Variants in ENO2 observed in about 807,000 individuals in gnomAD.
ENO2 encodes enolase 2.
In ENO2, 19 loss-of-function variants were observed where a neutral mutation model predicts 48.7. The observed-to-expected ratio is 0.39, with a 90% CI of 0.27 to 0.57. ENO2 has a LOEUF of 0.57. ENO2 is among the 20% of genes least tolerant of loss of function. The pLI is 0.58. For missense variants in ENO2, 416 were observed against 555.0 expected (o/e 0.75, Z 2.52); for synonymous variants, 198 against 213.4 (o/e 0.93, Z 0.63).
rs1174015832 is a variant in ENO2, at chr12:6,922,315, T to G, written c.1177-29T>G. Reference sequence around the variant, plus strand: ...CTTTCAGGGGTGAGAGGGCAGTCACTGAGCTGCAAATCCTTTGAAATGTTT... The same window carrying G: ...CTTTCAGGGGTGAGAGGGCAGTCACGGAGCTGCAAATCCTTTGAAATGTTT... On this transcript the variant is annotated intron_variant, in intron 10 of 11. Coordinates refer to ENST00000229277, the MANE Select transcript of ENO2 (RefSeq NM_001975.3). This position sits in a 1 kb window ranked among gnomAD's most constrained non-coding sequence, Gnocchi z 5.3. 5 of 1,614,014 alleles carry G rather than the reference T, an allele frequency of 3.1e-6. No homozygotes were observed. The highest frequency in any genetic ancestry group is 4.2e-6 in the Non-Finnish European group (5 of 1,179,980).
At chr12:6,915,784 T>G (rs782440516) in intron 1 of ENO2, 37 bp from the exon 2 acceptor site, 15 of 1,403,014 alleles carry the variant, frequency 1.1e-5, no homozygotes, top group Non-Finnish European at 1.4e-5. Flanking sequence ...CCTCTAAGCC[T>G]CTTATCTTTC....
chr12:6,916,355 C>G lies in ENO2; in HGVS notation c.86-62C>G. On this transcript the variant is annotated intron_variant, in intron 2 of 11. Transcript: ENST00000229277. The surrounding 1 kb of genome is among the most constrained non-coding windows in gnomAD (Gnocchi z 4.5). ...AGGCAGGCAGTTTAGAGCCAGAAGG[C>G]TGAAGGACTCCCTGGCCCCTGTGTC... The G allele has an allele frequency of 6.6e-7, 1 of 1,512,418 alleles. No homozygotes were observed. Among genetic ancestry groups the G allele is most frequent in the South Asian group, 1.2e-5 (1 of 83,140 alleles). The allele number at this position is 1,512,418 out of a possible 1,614,324, so 93.7% of individuals were successfully genotyped here. A position where few individuals can be genotyped will look rare whatever the true frequency, so the allele number is the denominator to read the frequency against.
chr12:6,922,623 C>A lies in ENO2; in HGVS notation c.1236-108C>A. ...GGGAATGCTAAGCCTTGGGGCAGGACACAAAAGCAGGTGGTGTGGGGGTGG... is the reference window on the plus strand; with the variant it reads ...GGGAATGCTAAGCCTTGGGGCAGGAAACAAAAGCAGGTGGTGTGGGGGTGG... On this transcript the variant is annotated intron_variant, in intron 11 of 11. Coordinates refer to ENST00000229277, the MANE Select transcript of ENO2 (RefSeq NM_001975.3). This position sits in a 1 kb window ranked among gnomAD's most constrained non-coding sequence, Gnocchi z 5.3. 1 of 1,398,380 alleles carries A rather than the reference C, an allele frequency of 7.2e-7. No individual in the cohort carries two copies. The highest frequency in any genetic ancestry group is 1.2e-5 in the South Asian group (1 of 84,850). 86.6% of individuals were successfully genotyped at this position (1,398,380 alleles called of 1,614,324 possible). A position where few individuals can be genotyped will look rare whatever the true frequency, so the allele number is the denominator to read the frequency against.
At position 6,916,796 on chromosome 12, in the gene ENO2, G is replaced by C. The variant is rs1421728255; in HGVS notation, c.240+67G>C. The stretch of plus-strand genomic sequence containing the variant: ...TGGAAGGAATCCCGGAGCAGGGCAG[G>C]AGGAAGGGAAGAAAGAAGGCCCACT... On this transcript the variant is annotated intron_variant, in intron 4 of 11. Coordinates refer to ENST00000229277, the MANE Select transcript of ENO2 (RefSeq NM_001975.3). This position sits in a 1 kb window ranked among gnomAD's most constrained non-coding sequence, Gnocchi z 4.5. 1.3e-6 allele frequency: 2 copies of C among 1,596,108 alleles called. No homozygotes were observed. The highest frequency in any genetic ancestry group is 1.7e-6 in the Non-Finnish European group (2 of 1,167,354).
intron 8 of ENO2, among the ~76,000 whole-genome samples, chr12:6,920,150 A>G (rs1211925004): frequency 1.3e-5 from 2 of 152,052 alleles, no homozygotes; most frequent in African/African-American, 4.8e-5. Context: ...GTGTGAGTAG[A>G]AAGAAGGCTG....
chr12:6,920,691 C>T (rs753683269), intron 8 of ENO2, among the ~76,000 whole-genome samples: 103 of 145,600 alleles, frequency 7.1e-4, no homozygotes, highest in Admixed American at 1.4e-3. Flanking sequence ...TGAGCCACCA[C>T]GCCTGGCTGG....
Position 6,923,030 on chromosome 12 carries a change from C to T in ENO2, c.*230C>T, listed in dbSNP as rs782675645. 1 of 518,522 alleles carries T rather than the reference C, an allele frequency of 1.9e-6. No individual in the cohort carries two copies. Among genetic ancestry groups the T allele is most frequent in the South Asian group, 2.4e-5 (1 of 40,890 alleles). 32.1% of individuals were successfully genotyped at this position (518,522 alleles called of 1,614,324 possible). A position where few individuals can be genotyped will look rare whatever the true frequency, so the allele number is the denominator to read the frequency against. ...TTCCGCACTTTCCACTTCTTCCTTT[C>T]TCTTTCTCTCTTCCCTCAGAAACTA... is the stretch of plus-strand genomic sequence containing the variant. On this transcript the variant is annotated 3_prime_UTR_variant, in exon 12 of 12. Coordinates refer to ENST00000229277, the MANE Select transcript of ENO2 (RefSeq NM_001975.3).
chr12:6,917,311 A>G (rs1358445178), intron 5 of ENO2: 1 of 719,752 alleles, frequency 1.4e-6, no homozygotes, highest in East Asian at 2.7e-5. Flanking sequence ...TCTTTGCAGC[A>G]TACAGAGGAG....
In ENO2 at chr12:6,916,059, G is replaced by T. The variant is rs1945288398; in HGVS notation, c.85+142G>T. The T allele has an allele frequency of 3.6e-6, 3 of 841,360 alleles. No homozygotes were observed. In the South Asian group the frequency reaches 4.6e-5, roughly 13 times the overall value. The allele number at this position is 841,360 out of a possible 1,614,324, so 52.1% of individuals were successfully genotyped here. A position where few individuals can be genotyped will look rare whatever the true frequency, so the allele number is the denominator to read the frequency against. On this transcript the variant is annotated intron_variant, in intron 2 of 11. Coordinates refer to ENST00000229277, the MANE Select transcript of ENO2 (RefSeq NM_001975.3). This position sits in a 1 kb window ranked among gnomAD's most constrained non-coding sequence, Gnocchi z 4.5. ...CTCACAAGCCTGGGTTGTGGCGGTT[G>T]GATCCTCCTTGTCCGGGGAGCCAGG...
rs1555142111 is a variant in ENO2 at position 6,921,645 on chromosome 12, T to G, written c.930T>G (p.Asn310Lys). Residue 310 changes from asparagine (N) to lysine (K), a missense_variant, in exon 9 of 12, where the codon AAT (asparagine) becomes AAG (lysine). By Grantham distance (94) the Asn-to-Lys change is moderately conservative (BLOSUM62 0). Coordinates refer to ENST00000229277, the MANE Select transcript of ENO2 (RefSeq NM_001975.3). The part of the protein sequence containing the change: ...DWAAWSKFTA[N>K]VGIQIVGDDL... ...CTGCCTGGTCCAAGTTCACAGCCAATGTAGGGATCCAGATTGTGGGTGATG... is the reference window on the plus strand; with the variant it reads ...CTGCCTGGTCCAAGTTCACAGCCAAGGTAGGGATCCAGATTGTGGGTGATG... 6.2e-7 allele frequency: 1 copy of G among 1,613,998 alleles called. No homozygotes were observed. Among genetic ancestry groups the G allele is most frequent in the Admixed American group, 1.7e-5 (1 of 60,002 alleles).
Position 6,922,156 on chromosome 12 carries a change from A to G in ENO2, c.1168A>G (p.Thr390Ala). Reference protein sequence around the residue: ...FIADLVVGLCTGQIKTGAPCR... With the variant: ...FIADLVVGLCAGQIKTGAPCR... Reference sequence around the variant, plus strand: ...TGCTGACCTGGTGGTGGGGCTGTGCACAGGCCAGGTGAGTGAGGCAGCCTG... The same window carrying G: ...TGCTGACCTGGTGGTGGGGCTGTGCGCAGGCCAGGTGAGTGAGGCAGCCTG... The change falls in exon 10 of 12, where the codon ACA becomes GCA. Residue 390 changes from threonine (T) to alanine (A), a missense_variant. Physicochemically the swap from Thr to Ala is moderately conservative, Grantham distance 58 (BLOSUM62 0). Transcript: ENST00000229277. The surrounding 1 kb of genome is among the most constrained non-coding windows in gnomAD (Gnocchi z 5.3). 6.2e-7 allele frequency: 1 copy of G among 1,613,968 alleles called. No homozygotes were observed. The highest frequency in any genetic ancestry group is 8.5e-7 in the Non-Finnish European group (1 of 1,179,892).
chr12:6,922,294 CA>C lies in ENO2; in HGVS notation c.1177-49del, dbSNP rs781892924. 6.2e-7 allele frequency: 1 copy of C among 1,613,650 alleles called. No homozygotes were observed. Among genetic ancestry groups the C allele is most frequent in the Non-Finnish European group, 8.5e-7 (1 of 1,179,638 alleles). On this transcript the variant is annotated intron_variant, in intron 10 of 11. Coordinates refer to ENST00000229277, the MANE Select transcript of ENO2 (RefSeq NM_001975.3). The surrounding 1 kb of genome is among the most constrained non-coding windows in gnomAD (Gnocchi z 5.3). ...TTTCAGGAGAGCAGAAGTTTCCTTT[CA>C]GGGGTGAGAGGGCAGTCACTGAGCT...
intron 7 of ENO2, among the ~76,000 whole-genome samples, chr12:6,919,207 C>G (rs1484931656): frequency 8.5e-5 from 13 of 152,090 alleles, no homozygotes; most frequent in African/African-American, 2.9e-4. Context: ...GGCCAAATAA[C>G]CTGGATTTAT....
chr12:6,915,871 C>A lies in ENO2; in HGVS notation c.39C>A (p.Asp13Glu). Residue 13 changes from aspartate (D) to glutamate (E), a missense_variant, in exon 2 of 12, where the codon GAC becomes GAA. By Grantham distance (45) the Asp-to-Glu change is conservative. Transcript: ENST00000229277. ...IEKIWAREIL[D>E]SRGNPTVEVD... ...AGATCTGGGCCCGGGAGATCCTGGA[C>A]TCCCGCGGGAACCCCACAGTGGAGG... The A allele has an allele frequency of 1.2e-6, 2 of 1,613,988 alleles. No individual in the cohort carries two copies. Among genetic ancestry groups the A allele is most frequent in the Non-Finnish European group, 1.7e-6 (2 of 1,179,954 alleles).
chr12:6,922,389 A>C lies in ENO2; in HGVS notation c.1222A>C (p.Asn408His). ...PCRSERLAKYNQLMRIEEELG... is the reference protein window; with the variant it reads ...PCRSERLAKYHQLMRIEEELG... ...CCGTTCTGAACGTCTGGCTAAATAC[A>C]ACCAGCTCATGAGGTGAGGGTCCCT... The change falls in exon 11 of 12, where the codon AAC (asparagine) becomes CAC (histidine). Residue 408 changes from asparagine (N) to histidine (H), a missense_variant. Transcript: ENST00000229277. The surrounding 1 kb of genome is among the most constrained non-coding windows in gnomAD (Gnocchi z 5.3). The C allele has an allele frequency of 6.2e-7, 1 of 1,614,142 alleles. No homozygotes were observed. Among genetic ancestry groups the C allele is most frequent in the South Asian group, 1.1e-5 (1 of 91,076 alleles).
intron 8 of ENO2, 125 bp from the exon 9 acceptor site, chr12:6,921,456 G>T: frequency 1.1e-6 from 1 of 908,062 alleles, no homozygotes; most frequent in South Asian, 1.5e-5. Flanking sequence ...GTCTTAGCAA[G>T]GATGAGCAGG....
At chr12:6,921,417 G>T in intron 8 of ENO2, 164 bp from the exon 9 acceptor site, 1 of 664,776 alleles carries the variant, frequency 1.5e-6, no homozygotes, top group Non-Finnish European at 2.6e-6. Flanking sequence ...TTAAGAATCA[G>T]TTAGGGCAGG....
In ENO2 at chr12:6,916,864, T is replaced by C; in HGVS notation, c.240+135T>C. Reference sequence around the variant, plus strand: ...CAAGGGGGAAGGGTGGGGAACAGCTTCCTTAATGCACCCTGCTCCCATGGG... The same window carrying C: ...CAAGGGGGAAGGGTGGGGAACAGCTCCCTTAATGCACCCTGCTCCCATGGG... On this transcript the variant is annotated intron_variant, in intron 4 of 11. Transcript: ENST00000229277. The surrounding 1 kb of genome is among the most constrained non-coding windows in gnomAD (Gnocchi z 4.5). 2 of 1,399,258 alleles carry C rather than the reference T, an allele frequency of 1.4e-6. No homozygotes were observed. The highest frequency in any genetic ancestry group is 2.0e-6 in the Non-Finnish European group (2 of 1,013,972). The allele number at this position is 1,399,258 out of a possible 1,614,324, so 86.7% of individuals were successfully genotyped here. A position where few individuals can be genotyped will look rare whatever the true frequency, so the allele number is the denominator to read the frequency against.
intron 6 of ENO2, 104 bp downstream of exon 6, chr12:6,917,818 G>A: frequency 6.3e-7 from 1 of 1,588,072 alleles, no homozygotes; most frequent in Non-Finnish European, 8.6e-7. Context: ...GAGGTAAAGA[G>A]GAAGGATGGG....
Sources: gnomAD v4.1 joint callset for allele counts (sites outside exome capture counted in the v4.1 genomes callset) on GRCh38, gnomAD v4.1.1 for gene constraint, Gnocchi (gnomAD v3.1) non-coding constraint, MANE v1.5 for transcripts, NCBI Gene and HGNC (gene_info 2026-07-23, HGNC 2026-07-21) for gene names.